Variants in EZH2 observed in about 807,000 individuals in gnomAD.
EZH2 encodes enhancer of zeste 2 polycomb repressive complex 2 subunit, also known as histone-lysine N-methyltransferase EZH2.
Under a neutral mutation model 98.4 loss-of-function variants are expected in EZH2, and 18 were observed. That is an observed-to-expected ratio of 0.18 (90% CI 0.13 to 0.27). The LOEUF is 0.27. EZH2 is among the 10% of genes least tolerant of loss of function. The pLI, the probability that EZH2 is intolerant of heterozygous loss-of-function variation, is 1.00. For synonymous variants in EZH2, 338 were observed against 312.3 expected (o/e 1.08, Z -0.87); for missense variants, 470 against 935.1 (o/e 0.50, Z 6.49).
intron 1 of EZH2, among the ~76,000 whole-genome samples, chr7:148,853,849 G>A (rs1317569964): frequency 6.6e-6 from 1 of 152,096 alleles, no homozygotes; most frequent in Non-Finnish European, 1.5e-5. Context: ...ATGGAAGATG[G>A]GCTCTCATAG....
At chr7:148,815,573 C>T (rs1804329577) in intron 12 of EZH2, 27 bp from the exon 13 acceptor site, 5 of 1,608,688 alleles carry the variant, frequency 3.1e-6, no homozygotes, top group Non-Finnish European at 4.3e-6. Flanking sequence ...AAAATTAAAC[C>T]AAATTTCTGC....
intron 3 of EZH2, among the ~76,000 whole-genome samples, chr7:148,838,929 G>A (rs1242679709): frequency 6.6e-6 from 1 of 152,170 alleles, no homozygotes; most frequent in Non-Finnish European, 1.5e-5. Context: ...GTGCATGCCT[G>A]TAGTCCCAGC....
intron 3 of EZH2, among the ~76,000 whole-genome samples, chr7:148,842,253 A>G (rs1249113030): frequency 6.6e-6 from 1 of 152,226 alleles, no homozygotes; most frequent in Non-Finnish European, 1.5e-5. Flanking sequence ...CATAACACAT[A>G]CAGTAGAAAA....
At chr7:148,836,689 G>T in intron 3 of EZH2, 1 of 382,632 alleles carries the variant, frequency 2.6e-6, no homozygotes, top group Non-Finnish European at 5.1e-6. Context: ...GGAAGTTAGA[G>T]ATGATTCATC....
intron 12 of EZH2, among the ~76,000 whole-genome samples, chr7:148,815,991 T>A (rs1268405965): frequency 6.6e-6 from 1 of 152,212 alleles, no homozygotes; most frequent in Non-Finnish European, 1.5e-5. Context: ...TTTAAAAAAA[T>A]TCTAAATTGG....
intron 1 of EZH2, chr7:148,883,219 A>G (rs2129496542): frequency 6.6e-6 from 1 of 152,378 alleles, no homozygotes; most frequent in Non-Finnish European, 1.5e-5. Flanking sequence ...AAGTTTTCCA[A>G]AAGATCGTGC....
intron 3 of EZH2, among the ~76,000 whole-genome samples, chr7:148,845,802 T>C (rs532014263): frequency 2.0e-5 from 3 of 152,376 alleles, no homozygotes; most frequent in African/African-American, 7.2e-5. Context: ...CATGTCTTTC[T>C]ATACAACACA....
At chr7:148,873,716 T>C (rs778879575) in intron 1 of EZH2, among the ~76,000 whole-genome samples, 3 of 151,854 alleles carry the variant, frequency 2.0e-5, no homozygotes, top group Non-Finnish European at 4.4e-5. Context: ...TAATTATTTA[T>C]TGAGTTGCTT....
chr7:148,809,490 G>A, intron 17 of EZH2, 100 bp from the exon 18 acceptor site: 3 of 862,378 alleles, frequency 3.5e-6, no homozygotes, highest in Non-Finnish European at 5.4e-6. Context: ...AGTTCTTCAG[G>A]GTTTGCCTGC....
In EZH2 at chr7:148,826,616, C is replaced by A; in HGVS notation, c.745G>T (p.Glu249Ter). ...GGAAGTGCGCCTGGGAGCTGCTGTT[C>A]GGTGAGTTCTTTATATCTGACATTA... ...ELKEKYKELT[E>*]QQLPGALPPE... The change falls in exon 8 of 20, where the codon GAA becomes TAA. Residue 249 changes from glutamate to a stop codon, truncating the protein, a stop_gained. Transcript: ENST00000320356. LOFTEE classifies it high-confidence loss of function. 1 of 1,534,314 alleles carries A rather than the reference C, an allele frequency of 6.5e-7. No homozygotes were observed. The highest frequency in any genetic ancestry group is 8.8e-7 in the Non-Finnish European group (1 of 1,137,956).
At chr7:148,859,526 C>CAACAACAAA (rs1351521753) in intron 1 of EZH2, among the ~76,000 whole-genome samples, 1 of 151,762 alleles carries the variant, frequency 6.6e-6, no homozygotes, top group Non-Finnish European at 1.5e-5. Context: ...ACAACAACAA[C>CAACAACAAA]AACAACAACA....
Position 148,884,236 on chromosome 7 carries a change from T to G in EZH2, c.-80A>C, listed in dbSNP as rs1821488960. 5.6e-6 allele frequency: 1 copy of G among 177,244 alleles called. No homozygotes were observed. The highest frequency in any genetic ancestry group is 1.2e-5 in the Non-Finnish European group (1 of 82,898). 11.0% of individuals were successfully genotyped at this position (177,244 alleles called of 1,614,324 possible). A position where few individuals can be genotyped will look rare whatever the true frequency, so the allele number is the denominator to read the frequency against. The stretch of plus-strand genomic sequence containing the variant: ...GCGCCGCCGCCGCCGCCGCCGGGGC[T>G]CCACTGCCTTCTGAGTCCCACCGGG... On this transcript the variant is annotated 5_prime_UTR_variant, in exon 1 of 20. Transcript: ENST00000320356.
intron 15 of EZH2, among the ~76,000 whole-genome samples, chr7:148,813,052 TACAC>T (rs142835355): frequency 6.2e-4 from 82 of 132,132 alleles, no homozygotes; most frequent in African/African-American, 2.1e-3. Flanking sequence ...ACACCCCACA[TACAC>T]ACACACACAC....
At chr7:148,817,062 T>C (rs1303049342) in intron 11 of EZH2, 160 bp downstream of exon 11, 6 of 688,426 alleles carry the variant, frequency 8.7e-6, no homozygotes, top group Non-Finnish European at 1.4e-5. Flanking sequence ...ACCTGGAGAA[T>C]AATTTTCATT....
intron 8 of EZH2, 24 bp downstream of exon 8, chr7:148,826,429 AC>A: frequency 6.5e-7 from 1 of 1,529,630 alleles, no homozygotes; most frequent in Non-Finnish European, 8.8e-7. Context: ...TAATTCCACA[AC>A]AAAGATAGAA....
At chr7:148,854,604 T>C (rs1019548495) in intron 1 of EZH2, among the ~76,000 whole-genome samples, 3 of 152,240 alleles carry the variant, frequency 2.0e-5, no homozygotes, top group African/African-American at 7.2e-5. Flanking sequence ...ACTTTGACTC[T>C]TAACTGAATA....
intron 3 of EZH2, among the ~76,000 whole-genome samples, chr7:148,839,093 G>GAAGGA (rs1381832011): frequency 6.6e-6 from 1 of 151,100 alleles, no homozygotes; most frequent in Non-Finnish European, 1.5e-5. Context: ...AGGAAGGAAG[G>GAAGGA]AAGGAAGGAA....
chr7:148,826,124 T>A (rs887014181), intron 8 of EZH2, among the ~76,000 whole-genome samples: 6 of 152,072 alleles, frequency 3.9e-5, no homozygotes, highest in Non-Finnish European at 7.3e-5. Context: ...AATTTATTCA[T>A]CAATATCAGC....
At chr7:148,841,327 C>T (rs1812378432) in intron 3 of EZH2, among the ~76,000 whole-genome samples, 1 of 152,042 alleles carries the variant, frequency 6.6e-6, no homozygotes, top group South Asian at 2.1e-4. Context: ...GCAAAGGCTG[C>T]ATGGATTTAC....
Sources: gnomAD v4.1 joint callset for allele counts (sites outside exome capture counted in the v4.1 genomes callset) on GRCh38, gnomAD v4.1.1 for gene constraint, MANE v1.5 for transcripts, NCBI Gene and HGNC (gene_info 2026-07-23, HGNC 2026-07-21) for gene names.